Variants in SLC26A7 observed in about 807,000 individuals in gnomAD.
The protein encoded by SLC26A7 is anion exchange transporter.
In SLC26A7, 59 loss-of-function variants were observed where a neutral mutation model predicts 82.5. The observed-to-expected ratio is 0.72, with a 90% confidence interval of 0.58 to 0.89. The LOEUF (loss-of-function observed/expected upper bound fraction) is 0.89. SLC26A7 is among the 40% of genes least tolerant of loss of function. The pLI, the probability that SLC26A7 is intolerant of heterozygous loss-of-function variation, is 0.00. For missense variants in SLC26A7, 820 were observed against 793.0 expected (o/e 1.03, Z -0.41); for synonymous variants, 271 against 274.3 (o/e 0.99, Z 0.12).
At chr8:91,371,268 T>A (rs115748329) in intron 15 of SLC26A7, among the ~76,000 whole-genome samples, 2,607 of 151,970 alleles carry the variant, frequency 0.017, 74 homozygotes, top group African/African-American at 0.06. Context: ...ATGGATCTAT[T>A]TTTTAAATTT....
chr8:91,274,015 T>G (rs566132682), intron 2 of SLC26A7, among the ~76,000 whole-genome samples: 2 of 152,280 alleles, frequency 1.3e-5, no homozygotes, highest in East Asian at 3.9e-4. Context: ...TTTTTAACTT[T>G]GGATGTATCA....
chr8:91,342,605 C>G (rs1280772285), intron 8 of SLC26A7, among the ~76,000 whole-genome samples: 1 of 152,118 alleles, frequency 6.6e-6, no homozygotes, highest in African/African-American at 2.4e-5. Flanking sequence ...ATTGGAACTT[C>G]AAATAGGGAA....
chr8:91,380,780 C>G (rs1056440496), intron 15 of SLC26A7, among the ~76,000 whole-genome samples: 4 of 152,108 alleles, frequency 2.6e-5, no homozygotes, highest in African/African-American at 9.7e-5. Context: ...CAATTCTGCT[C>G]TTAGTTGTAC....
At chr8:91,331,458 T>C (rs1813079378) in intron 5 of SLC26A7, among the ~76,000 whole-genome samples, 1 of 152,196 alleles carries the variant, frequency 6.6e-6, no homozygotes, top group Non-Finnish European at 1.5e-5. Context: ...TTTTAAACAA[T>C]GTTTCAGTGA....
rs990486217 is a variant in SLC26A7, at chr8:91,398,029, C to T, written c.*2932C>T. On this transcript the variant is annotated 3_prime_UTR_variant, in exon 19 of 19. Coordinates refer to ENST00000276609, the MANE Select transcript of SLC26A7 (RefSeq NM_052832.4). ...GTTAAAAATCATGTAGTCTAATATG[C>T]TGCAGTTATTTTTTTATATTTTTCA... The T allele has an allele frequency of 3.9e-5, 6 of 152,438 alleles. No homozygotes were observed. Among genetic ancestry groups the T allele is most frequent in the African/African-American group, 1.4e-4 (6 of 41,410 alleles). The allele number at this position is 152,438 out of a possible 1,614,324, so 9.4% of individuals were successfully genotyped here.
At chr8:91,280,500 C>T (rs1811541108) in intron 2 of SLC26A7, among the ~76,000 whole-genome samples, 1 of 152,196 alleles carries the variant, frequency 6.6e-6, no homozygotes, top group African/African-American at 2.4e-5. Flanking sequence ...CACCAAGATC[C>T]ATTTGCTCCT....
intron 2 of SLC26A7, among the ~76,000 whole-genome samples, chr8:91,224,521 C>T (rs1810207474): frequency 6.6e-6 from 1 of 152,152 alleles, no homozygotes; most frequent in South Asian, 2.1e-4. Flanking sequence ...GGAGATGTCA[C>T]TCAAGGAGGC....
At chr8:91,234,836 CT>C (rs1810369430) in intron 2 of SLC26A7, among the ~76,000 whole-genome samples, 3 of 146,400 alleles carry the variant, frequency 2.0e-5, no homozygotes, top group Admixed American at 1.4e-4. Flanking sequence ...TACTTCCTTC[CT>C]TCCTTCCTTC....
At chr8:91,248,664 C>A (rs964244518), upstream of SLC26A7, among the ~76,000 whole-genome samples, 2 of 151,932 alleles carry the variant, frequency 1.3e-5, no homozygotes, top group South Asian at 2.1e-4. Flanking sequence ...CACCTACCCC[C>A]AAAAGTTATA....
intron 1 of SLC26A7, among the ~76,000 whole-genome samples, chr8:91,212,236 CCTAAA>C (rs1052705942): frequency 1.3e-5 from 2 of 152,104 alleles, no homozygotes; most frequent in African/African-American, 4.8e-5. Flanking sequence ...TTAGACCTAA[CCTAAA>C]TAGTCTCATA....
intron 15 of SLC26A7, among the ~76,000 whole-genome samples, chr8:91,373,206 A>G (rs1814415634): frequency 6.6e-6 from 1 of 151,732 alleles, no homozygotes; most frequent in Admixed American, 6.6e-5. Context: ...CTATTTGGAT[A>G]TTTTTTATTT....
In SLC26A7 at chr8:91,397,661, G is replaced by A. The variant is rs1295710688; in HGVS notation, c.*2564G>A. 2 of 152,338 alleles carry A rather than the reference G, an allele frequency of 1.3e-5. No homozygotes were observed. The highest frequency in any genetic ancestry group is 2.9e-5 in the Non-Finnish European group (2 of 67,912). The allele number at this position is 152,338 out of a possible 1,614,324, so 9.4% of individuals were successfully genotyped here. A position where few individuals can be genotyped will look rare whatever the true frequency, so the allele number is the denominator to read the frequency against. The stretch of plus-strand genomic sequence containing the variant: ...TTCATTTTAAAGGTTATTTGCTCCC[G>A]ATTATATGATTCAAGTGTTATAAGT... On this transcript the variant is annotated 3_prime_UTR_variant, in exon 19 of 19. Transcript: ENST00000276609.
chr8:91,376,057 T>C (rs1163927770), intron 15 of SLC26A7, among the ~76,000 whole-genome samples: 1 of 152,180 alleles, frequency 6.6e-6, no homozygotes, highest in East Asian at 1.9e-4. Context: ...GAAATTCCTT[T>C]AGCGAGTTGT....
intron 2 of SLC26A7, among the ~76,000 whole-genome samples, chr8:91,243,006 A>T (rs1333713055): frequency 6.6e-6 from 1 of 152,118 alleles, no homozygotes; most frequent in East Asian, 1.9e-4. Flanking sequence ...CCTCCTACAT[A>T]AAAAAATATA....
intron 11 of SLC26A7, among the ~76,000 whole-genome samples, 171 bp downstream of exon 11, chr8:91,353,167 G>A (rs1197553044): frequency 6.6e-6 from 1 of 151,918 alleles, no homozygotes; most frequent in Non-Finnish European, 1.5e-5. Flanking sequence ...AATATAAATT[G>A]TCTTCATATG....
rs534007257 is a variant in SLC26A7 at position 91,286,410 on chromosome 8, G to T, written c.194-2726G>T. 3.3e-5 allele frequency among the ~76,000 whole-genome samples: 5 copies of T among 152,162 alleles called. No homozygotes were observed. The South Asian group carries it at 6.2e-4, about 19-fold the overall frequency. ...GTCTTCTCGTGACCATTCTTTTGTG[G>T]CTGAATCAGCCTTACATTACCATTA... On this transcript the variant is annotated intron_variant, in intron 2 of 18. Coordinates refer to ENST00000276609, the MANE Select transcript of SLC26A7 (RefSeq NM_052832.4).
intron 5 of SLC26A7, 68 bp from the exon 6 acceptor site, chr8:91,334,227 C>T: frequency 7.2e-7 from 1 of 1,389,604 alleles, no homozygotes; most frequent in Non-Finnish European, 9.8e-7. Flanking sequence ...TTTATTGGGG[C>T]CATATTTTCA....
intron 4 of SLC26A7, among the ~76,000 whole-genome samples, chr8:91,316,451 ATTTTTTTTTT>A (rs58981485): frequency 1.5e-4 from 5 of 34,424 alleles, no homozygotes; most frequent in African/African-American, 2.2e-4. Flanking sequence ...CTCAACACTA[ATTTTTTTTTT>A]TTTTTTTTTT....
chr8:91,212,550 A>G (rs963298561), intron 1 of SLC26A7, among the ~76,000 whole-genome samples: 3 of 152,314 alleles, frequency 2.0e-5, no homozygotes, highest in South Asian at 4.1e-4. Flanking sequence ...TTTTATGACA[A>G]GCTGCCAGTA....
Sources: gnomAD v4.1 joint callset for allele counts (sites outside exome capture counted in the v4.1 genomes callset) on GRCh38, gnomAD v4.1.1 for gene constraint, MANE v1.5 for transcripts, NCBI Gene and HGNC (gene_info 2026-07-23, HGNC 2026-07-21) for gene names.